The following GRIK4 variants were observed in gnomAD, a reference collection of about 807,000 sequenced individuals.
GRIK4 encodes the protein glutamate receptor ionotropic, kainate 4.
Under a neutral mutation model 104.9 loss-of-function variants are expected in GRIK4, and 40 were observed. The ratio of observed to expected loss-of-function variants is 0.38; its 90% CI spans 0.30 to 0.50. GRIK4 has a LOEUF of 0.50. Ranked by LOEUF, GRIK4 falls within the 20% of genes least tolerant of loss-of-function variation. The probability of loss-of-function intolerance (pLI) is 0.93; values close to 1 mark genes in which losing one functional copy is unlikely to be tolerated. For missense variants in GRIK4, 1,047 were observed against 1,308.1 expected, an observed-to-expected ratio of 0.80 and a Z score of 3.08; for synonymous variants, 485 against 524.9, an observed-to-expected ratio of 0.92 and a Z score of 1.04.
intron 1 of GRIK4, among the ~76,000 whole-genome samples, chr11:120,550,037 C>T (rs1051898258): frequency 6.6e-6 from 1 of 152,028 alleles, no homozygotes; most frequent in African/African-American, 2.4e-5. Flanking sequence ...CAGAGGGATC[C>T]CATGGTCTGA....
At chr11:120,655,057 G>A (rs192924314) in intron 2 of GRIK4, among the ~76,000 whole-genome samples, 52 of 152,146 alleles carry the variant, frequency 3.4e-4, no homozygotes, top group Admixed American at 9.8e-4. Context: ...TATTGGCCCC[G>A]TCTGTTTATT....
intron 3 of GRIK4, among the ~76,000 whole-genome samples, chr11:120,661,218 G>A (rs989243539): frequency 1.3e-5 from 2 of 152,164 alleles, no homozygotes; most frequent in African/African-American, 4.8e-5. Context: ...TGGGGTGTCG[G>A]GGATCAGGGG....
At chr11:120,729,479 T>C (rs118136398) in intron 3 of GRIK4, among the ~76,000 whole-genome samples, 5,406 of 152,324 alleles carry the variant, frequency 0.035, 124 homozygotes, top group East Asian at 0.093. Context: ...GATATCTTGC[T>C]GTAGTTCTAA....
chr11:120,765,427 C>T (rs113522954), intron 3 of GRIK4, among the ~76,000 whole-genome samples: 6 of 151,854 alleles, frequency 4.0e-5, no homozygotes, highest in South Asian at 2.1e-4. Flanking sequence ...CAGAGGAGTT[C>T]GTTATTACCC....
At chr11:120,666,588 A>G (rs561585944) in intron 3 of GRIK4, among the ~76,000 whole-genome samples, 1 of 152,390 alleles carries the variant, frequency 6.6e-6, no homozygotes, top group Admixed American at 6.5e-5. Context: ...GAAGTGTCAG[A>G]CATGAAGGGA....
At chr11:120,891,284 T>G (rs1316670323) in intron 11 of GRIK4, among the ~76,000 whole-genome samples, 1 of 152,200 alleles carries the variant, frequency 6.6e-6, no homozygotes, top group Non-Finnish European at 1.5e-5. Context: ...GGGAAAGGAC[T>G]TGGCAAAGTT....
At chr11:120,675,798 A>C (rs1389794141) in intron 3 of GRIK4, among the ~76,000 whole-genome samples, 1 of 152,236 alleles carries the variant, frequency 6.6e-6, no homozygotes, top group African/African-American at 2.4e-5. Context: ...GAAAATAGGT[A>C]GGACAGTGCC....
intron 3 of GRIK4, among the ~76,000 whole-genome samples, chr11:120,719,133 TAAAG>T (rs138581336): frequency 0.097 from 14,813 of 152,218 alleles, 733 homozygotes; most frequent in East Asian, 0.13. Flanking sequence ...AACAAGATTT[TAAAG>T]AAATCCAACA....
chr11:120,961,510 A>T (rs1944286768), intron 17 of GRIK4, among the ~76,000 whole-genome samples: 1 of 152,244 alleles, frequency 6.6e-6, no homozygotes, highest in African/African-American at 2.4e-5. Context: ...ACAGAGCAAG[A>T]TTCATACATG....
At chr11:120,890,995 T>A (rs1955272608) in intron 11 of GRIK4, among the ~76,000 whole-genome samples, 1 of 152,246 alleles carries the variant, frequency 6.6e-6, no homozygotes, top group South Asian at 2.1e-4. Context: ...CACCCACAGA[T>A]GCAGGCAAAG....
chr11:120,986,366 C>A lies in GRIK4; in HGVS notation c.*106C>A. On this transcript the variant is annotated 3_prime_UTR_variant, in exon 21 of 21. Coordinates refer to ENST00000527524, the MANE Select transcript of GRIK4 (RefSeq NM_014619.5). ...CGGAACTTGTACAGCGTCGACACCTCTCCAGATTTCGGATCCAGTCACTTT... is the reference window on the plus strand; with the variant it reads ...CGGAACTTGTACAGCGTCGACACCTATCCAGATTTCGGATCCAGTCACTTT... 9 of 1,303,182 alleles carry A rather than the reference C, an allele frequency of 6.9e-6. No individual in the cohort carries two copies. The highest frequency in any genetic ancestry group is 9.0e-6 in the Non-Finnish European group (9 of 1,004,904). 80.7% of individuals were successfully genotyped at this position (1,303,182 alleles called of 1,614,324 possible).
At chr11:120,777,680 T>C (rs530941706) in intron 3 of GRIK4, among the ~76,000 whole-genome samples, 6 of 152,224 alleles carry the variant, frequency 3.9e-5, no homozygotes, top group Non-Finnish European at 7.3e-5. Context: ...CTCACGCCTG[T>C]AATCCCAGCA....
At chr11:120,702,408 G>A (rs986964764) in intron 3 of GRIK4, among the ~76,000 whole-genome samples, 1 of 152,146 alleles carries the variant, frequency 6.6e-6, no homozygotes, top group African/African-American at 2.4e-5. Flanking sequence ...GGAGATGCAG[G>A]GTGGCAGCTA....
intron 3 of GRIK4, among the ~76,000 whole-genome samples, chr11:120,756,647 C>T (rs1227554374): frequency 6.6e-6 from 1 of 152,182 alleles, no homozygotes; most frequent in Non-Finnish European, 1.5e-5. Context: ...TGCAAATGGA[C>T]CCCAGTAGTC....
At chr11:120,658,488 T>C (rs1394619450) in intron 2 of GRIK4, among the ~76,000 whole-genome samples, 1 of 152,194 alleles carries the variant, frequency 6.6e-6, no homozygotes, top group African/African-American at 2.4e-5. Flanking sequence ...ACACACCTAC[T>C]ACCACTGCAT....
At position 120,893,961 on chromosome 11, in the gene GRIK4, G is replaced by A. The variant is rs77006898; in HGVS notation, c.1165-4571G>A. Among the ~76,000 whole-genome samples the A allele has an allele frequency of 4.1e-3, 629 of 152,256 alleles. 6 individuals carry two copies. The highest frequency in any genetic ancestry group is 0.015 in the African/African-American group (612 of 41,536). ...TCTGATTTAGTCATTCTGGGGTAGG[G>A]CCCAAGAATTTGCATTTGTTTTCAG... On this transcript the variant is annotated intron_variant, in intron 11 of 20. Coordinates refer to ENST00000527524, the MANE Select transcript of GRIK4 (RefSeq NM_014619.5).
intron 1 of GRIK4, among the ~76,000 whole-genome samples, chr11:120,519,889 T>TTTTTTTTTTTTTTTTTTTTTTG (rs1555132646): frequency 6.8e-6 from 1 of 146,586 alleles, no homozygotes; most frequent in Admixed American, 6.7e-5. Context: ...TGTTTTTTTT[T>TTTTTTTTTTTTTTTTTTTTTTG]TTGTTGTTGT....
rs1438617852 is a variant in GRIK4, at chr11:120,940,881, G to A, written c.1590+421G>A. 6.6e-6 allele frequency among the ~76,000 whole-genome samples: 1 copy of A among 152,188 alleles called. No individual in the cohort carries two copies. The highest frequency in any genetic ancestry group is 1.5e-5 in the Non-Finnish European group (1 of 68,032). ...AGGGAATGTAGATTCCTTCTCTCTC[G>A]ATGATCTGTCCTGGAGAATAAATGG... On this transcript the variant is annotated intron_variant, in intron 14 of 20. Transcript: ENST00000527524. This position sits in a 1 kb window ranked among gnomAD's most constrained non-coding sequence, Gnocchi z 4.3.
Position 120,903,232 on chromosome 11 carries a change from C to T in GRIK4, c.1273-2058C>T, listed in dbSNP as rs1942783416. On this transcript the variant is annotated intron_variant, in intron 12 of 20. Coordinates refer to ENST00000527524, the MANE Select transcript of GRIK4 (RefSeq NM_014619.5). This position sits in a 1 kb window ranked among gnomAD's most constrained non-coding sequence, Gnocchi z 4.4. ...CAGCTGCCTGTCTGCATCCAGCCTC[C>T]CCTCTGCAGCCGGGCCTTGGTAATC... 6.6e-6 allele frequency among the ~76,000 whole-genome samples: 1 copy of T among 152,180 alleles called. No homozygotes were observed. Among genetic ancestry groups the T allele is most frequent in the Non-Finnish European group, 1.5e-5 (1 of 68,032 alleles).
Sources: allele counts gnomAD v4.1 joint callset (sites outside exome capture counted in the v4.1 genomes callset), GRCh38; gene constraint gnomAD v4.1.1; non-coding constraint Gnocchi (gnomAD v3.1); transcripts MANE v1.5; gene names NCBI Gene and HGNC (gene_info 2026-07-23, HGNC 2026-07-21).